Variants in SGMS1 observed in about 807,000 individuals in gnomAD.
SGMS1 encodes the protein phosphatidylcholine:ceramide cholinephosphotransferase 1.
A neutral mutation model predicts 46.2 loss-of-function variants in SGMS1; 13 were observed. The observed-to-expected ratio is 0.28, with a 90% CI of 0.18 to 0.45. SGMS1 has a LOEUF of 0.45. SGMS1 is among the 20% of genes least tolerant of loss of function. The pLI is 1.00. For synonymous variants in SGMS1, 203 were observed against 187.8 expected, an observed-to-expected ratio of 1.08 and a Z score of -0.66; for missense variants, 324 against 519.9, an observed-to-expected ratio of 0.62 and a Z score of 3.66.
At chr10:50,510,377 T>A (rs1183617699) in intron 3 of SGMS1, among the ~76,000 whole-genome samples, 1 of 152,052 alleles carries the variant, frequency 6.6e-6, no homozygotes, top group Non-Finnish European at 1.5e-5. Flanking sequence ...TGAATAGAGG[T>A]TTTCAATTCT....
chr10:50,457,310 G>A (rs1837204131), intron 5 of SGMS1, among the ~76,000 whole-genome samples: 2 of 152,028 alleles, frequency 1.3e-5, no homozygotes, highest in African/African-American at 4.8e-5. Context: ...ATTATCAATG[G>A]CTATATCTAA....
At chr10:50,587,948 T>C (rs907224761) in intron 2 of SGMS1, among the ~76,000 whole-genome samples, 3 of 152,166 alleles carry the variant, frequency 2.0e-5, no homozygotes, top group African/African-American at 7.2e-5. Context: ...ATATGTATCT[T>C]CTACTTCAGT....
At chr10:50,397,888 T>G (rs1589423275) in intron 6 of SGMS1, among the ~76,000 whole-genome samples, 1 of 152,190 alleles carries the variant, frequency 6.6e-6, no homozygotes, top group East Asian at 1.9e-4. Context: ...GAAGGGCTGA[T>G]GGTGACAGAA....
intron 2 of SGMS1, among the ~76,000 whole-genome samples, chr10:50,528,490 T>G (rs1044820278): frequency 1.8e-4 from 28 of 152,214 alleles, no homozygotes; most frequent in Middle Eastern, 3.2e-3. Context: ...GACTTACCAG[T>G]GAGGCAGTCA....
chr10:50,566,463 T>A (rs1396676964), intron 2 of SGMS1, among the ~76,000 whole-genome samples: 1 of 152,196 alleles, frequency 6.6e-6, no homozygotes, highest in Non-Finnish European at 1.5e-5. Context: ...TGTTTTTAAA[T>A]TTCTCTCTGA....
chr10:50,603,833 A>T (rs1838670608), intron 1 of SGMS1, among the ~76,000 whole-genome samples: 1 of 152,240 alleles, frequency 6.6e-6, no homozygotes, highest in Admixed American at 6.5e-5. Flanking sequence ...TACAAAATTT[A>T]TCTTCCACAT....
upstream of SGMS1, chr10:50,624,089 C>T: frequency 5.1e-6 from 5 of 985,166 alleles, no homozygotes; most frequent in Non-Finnish European, 6.0e-6. Context: ...CTCCCGGGAC[C>T]GAGCGGGACC....
chr10:50,623,988 G>A (rs914771889), upstream of SGMS1: 5 of 985,312 alleles, frequency 5.1e-6, no homozygotes, highest in African/African-American at 7.0e-5. Flanking sequence ...GCCCGAGCCG[G>A]CCCGGCTTCC....
chr10:50,384,920 T>C (rs1260549572), intron 6 of SGMS1, among the ~76,000 whole-genome samples: 2 of 152,160 alleles, frequency 1.3e-5, no homozygotes, highest in Admixed American at 6.5e-5. Flanking sequence ...AAATGACATA[T>C]CTTCTTTTTA....
At chr10:50,441,125 A>G (rs568358066) in intron 5 of SGMS1, among the ~76,000 whole-genome samples, 2 of 152,324 alleles carry the variant, frequency 1.3e-5, no homozygotes, top group South Asian at 4.1e-4. Context: ...CCACTCCCTC[A>G]GTTTCATGCT....
intron 6 of SGMS1, among the ~76,000 whole-genome samples, chr10:50,427,360 C>T (rs756956950): frequency 1.3e-5 from 2 of 152,196 alleles, no homozygotes; most frequent in Admixed American, 1.3e-4. Context: ...GATGGCGCCA[C>T]AGCACTCCAG....
chr10:50,567,431 G>A (rs1484334800), intron 2 of SGMS1, among the ~76,000 whole-genome samples: 3 of 152,148 alleles, frequency 2.0e-5, no homozygotes, highest in African/African-American at 7.2e-5. Flanking sequence ...CCACAGACAG[G>A]TTTGGTTAAC....
At chr10:50,607,781 C>T (rs1172743468) in intron 1 of SGMS1, among the ~76,000 whole-genome samples, 4 of 152,120 alleles carry the variant, frequency 2.6e-5, no homozygotes, top group Non-Finnish European at 4.4e-5. Flanking sequence ...TCATCATTGC[C>T]AAGAAAATCT....
chr10:50,582,944 T>C (rs1838448533), intron 2 of SGMS1, among the ~76,000 whole-genome samples: 1 of 152,196 alleles, frequency 6.6e-6, no homozygotes, highest in African/African-American at 2.4e-5. Flanking sequence ...TCCTTATCTG[T>C]CAAATGAAGA....
Position 50,340,361 on chromosome 10 carries a change from T to C in SGMS1, c.623+3131A>G, listed in dbSNP as rs982051385. The C allele has an allele frequency of 5.3e-5, 8 of 152,348 alleles. No homozygotes were observed. The East Asian group carries it at 1.3e-3, about 26-fold the overall frequency. 9.4% of individuals were successfully genotyped at this position (152,348 alleles called of 1,614,324 possible). Reference sequence around the variant, plus strand: ...ATCTCTAAGTTTAATATGTTCTTTATCATGCTTTCTTAAAACAAGGGATAC... The same window carrying C: ...ATCTCTAAGTTTAATATGTTCTTTACCATGCTTTCTTAAAACAAGGGATAC... On this transcript the variant is annotated intron_variant, in intron 7 of 10. Coordinates refer to ENST00000361781, the MANE Select transcript of SGMS1 (RefSeq NM_147156.4).
intron 2 of SGMS1, among the ~76,000 whole-genome samples, chr10:50,561,148 T>C (rs1269924743): frequency 6.6e-6 from 1 of 152,074 alleles, no homozygotes; most frequent in East Asian, 1.9e-4. Context: ...AACCTTGGAG[T>C]TGTGATACGA....
At chr10:50,560,505 C>T (rs1361246121) in intron 2 of SGMS1, among the ~76,000 whole-genome samples, 1 of 141,578 alleles carries the variant, frequency 7.1e-6, no homozygotes, top group Non-Finnish European at 1.5e-5. Context: ...TACATAAATA[C>T]ATATTACATA....
chr10:50,383,050 T>C (rs1848630596), intron 6 of SGMS1, among the ~76,000 whole-genome samples: 3 of 152,208 alleles, frequency 2.0e-5, no homozygotes, highest in Non-Finnish European at 4.4e-5. Flanking sequence ...AAAAAGTTTT[T>C]TTAAAGGAAG....
intron 6 of SGMS1, among the ~76,000 whole-genome samples, chr10:50,387,120 A>T (rs920973810): frequency 1.3e-5 from 2 of 152,172 alleles, no homozygotes; most frequent in Non-Finnish European, 2.9e-5. Flanking sequence ...CCAACTGGGG[A>T]TACCATCGAT....
Sources: allele counts gnomAD v4.1 joint callset (sites outside exome capture counted in the v4.1 genomes callset), GRCh38; gene constraint gnomAD v4.1.1; transcripts MANE v1.5; gene names NCBI Gene and HGNC (gene_info 2026-07-23, HGNC 2026-07-21).